CFAP95: variants seen among roughly 807,000 people sequenced by gnomAD.
The protein encoded by CFAP95 is cilia- and flagella-associated protein 95.
chr9:69,831,201 A>G, the CFAP95 span, among the ~76,000 whole-genome samples: 17 of 152,176 alleles, frequency 1.1e-4, no homozygotes, highest in Non-Finnish European at 2.5e-4. Context: ...TTAATATAAT[A>G]CCATTTATCT....
At chr9:69,889,618 G>A in the CFAP95 span, among the ~76,000 whole-genome samples, 1 of 152,190 alleles carries the variant, frequency 6.6e-6, no homozygotes, top group South Asian at 2.1e-4. Context: ...TGTTGGGAAG[G>A]TGGATTTGAG....
the CFAP95 span, among the ~76,000 whole-genome samples, chr9:69,892,135 T>A: frequency 2.6e-5 from 4 of 152,356 alleles, no homozygotes; most frequent in African/African-American, 9.6e-5. Context: ...TTTAATCTTT[T>A]TTAGCATGTA....
the CFAP95 span, among the ~76,000 whole-genome samples, chr9:69,875,045 G>T: frequency 1.3e-5 from 2 of 152,084 alleles, no homozygotes; most frequent in Non-Finnish European, 2.9e-5. Context: ...TTCTCTGAAG[G>T]GCATTTCTCT....
chr9:69,886,855 A>G, the CFAP95 span: 11 of 1,613,166 alleles, frequency 6.8e-6, no homozygotes, highest in Admixed American at 1.7e-4. Context: ...TTGACAACGT[A>G]CTCAGAAGAT....
At chr9:69,893,584 C>A in the CFAP95 span, among the ~76,000 whole-genome samples, 1 of 152,078 alleles carries the variant, frequency 6.6e-6, no homozygotes, top group Non-Finnish European at 1.5e-5. Context: ...TTTTCTTTCT[C>A]CTCCTCCTTT....
chr9:69,863,550 G>C, the CFAP95 span, among the ~76,000 whole-genome samples: 1 of 151,862 alleles, frequency 6.6e-6, no homozygotes, highest in Non-Finnish European at 1.5e-5. Context: ...TTATCAAAAG[G>C]CCCCAGTATA....
At chr9:69,888,641 C>T in the CFAP95 span, among the ~76,000 whole-genome samples, 3 of 152,040 alleles carry the variant, frequency 2.0e-5, no homozygotes, top group Non-Finnish European at 2.9e-5. Flanking sequence ...TTTGGGAGGC[C>T]GAGGCAGGTG....
At chr9:69,823,196 A>G in the CFAP95 span, among the ~76,000 whole-genome samples, 1 of 152,174 alleles carries the variant, frequency 6.6e-6, no homozygotes, top group African/African-American at 2.4e-5. Flanking sequence ...AGAAGGGTGA[A>G]GGAGGAACTT....
the CFAP95 span, among the ~76,000 whole-genome samples, chr9:69,887,302 T>C: frequency 1.3e-5 from 2 of 152,238 alleles, no homozygotes; most frequent in Admixed American, 6.5e-5. Context: ...CTTGAATGTA[T>C]TTCTACTTTA....
chr9:69,887,416 T>C, the CFAP95 span, among the ~76,000 whole-genome samples: 1 of 152,334 alleles, frequency 6.6e-6, no homozygotes, highest in East Asian at 1.9e-4. Flanking sequence ...TATTTAACTA[T>C]TGGTAAAGAA....
At chr9:69,891,811 A>G in the CFAP95 span, among the ~76,000 whole-genome samples, 1 of 152,170 alleles carries the variant, frequency 6.6e-6, no homozygotes, top group East Asian at 1.9e-4. Flanking sequence ...ATGTGATATG[A>G]CCACGTTATT....
chr9:69,892,752 A>T, the CFAP95 span, among the ~76,000 whole-genome samples: 1 of 152,100 alleles, frequency 6.6e-6, no homozygotes, highest in South Asian at 2.1e-4. Flanking sequence ...AGAAGAGAAA[A>T]AGCAGTCAGA....
At chr9:69,885,884 T>G in the CFAP95 span, among the ~76,000 whole-genome samples, 1 of 152,172 alleles carries the variant, frequency 6.6e-6, no homozygotes, top group Non-Finnish European at 1.5e-5. Context: ...GAGTAGTAGG[T>G]GGTGCTAAAT....
At chr9:69,902,344 T>G in the CFAP95 span, 1 of 454,852 alleles carries the variant, frequency 2.2e-6, no homozygotes, top group African/African-American at 2.0e-5. Flanking sequence ...GAGAACTCTA[T>G]AATCTCCCAG....
the CFAP95 span, among the ~76,000 whole-genome samples, chr9:69,883,831 AC>A: frequency 7.2e-4 from 8 of 11,060 alleles, no homozygotes; most frequent in Non-Finnish European, 0.011. Flanking sequence ...TTAAAAAAAA[AC>A]AATTAAAAAA....
chr9:69,906,058 T>C, the CFAP95 span: 1 of 1,612,804 alleles, frequency 6.2e-7, no homozygotes, highest in Non-Finnish European at 8.5e-7. Flanking sequence ...CTTGGCATGA[T>C]GAGAGTGGGA....
the CFAP95 span, among the ~76,000 whole-genome samples, chr9:69,852,168 T>G: frequency 6.6e-6 from 1 of 151,708 alleles, no homozygotes; most frequent in East Asian, 1.9e-4. Flanking sequence ...TGTATATATT[T>G]TTTTTTTTTT....
At chr9:69,853,236 A>G in the CFAP95 span, among the ~76,000 whole-genome samples, 3 of 152,234 alleles carry the variant, frequency 2.0e-5, no homozygotes, top group South Asian at 4.1e-4. Flanking sequence ...CTGAGAAGTC[A>G]TAAGTGTTCT....
At chr9:69,894,847 A>G in the CFAP95 span, among the ~76,000 whole-genome samples, 3 of 152,172 alleles carry the variant, frequency 2.0e-5, no homozygotes, top group South Asian at 2.1e-4. Context: ...AGTTCATTTG[A>G]GCTTAGGAGT....
Sources: allele counts gnomAD v4.1 joint callset (sites outside exome capture counted in the v4.1 genomes callset), GRCh38; gene constraint gnomAD v4.1.1; transcripts MANE v1.5; gene names NCBI Gene and HGNC (gene_info 2026-07-23, HGNC 2026-07-21).